The following TDRD10 variants were observed in gnomAD, a reference collection of about 807,000 sequenced individuals.
TDRD10 encodes the protein tudor domain containing 10.
In TDRD10, 40 loss-of-function variants were observed where a neutral mutation model predicts 48.0. The ratio of observed to expected loss-of-function variants is 0.83; its 90% CI spans 0.65 to 1.09. The LOEUF (loss-of-function observed/expected upper bound fraction) is 1.09, where lower values mean the gene tolerates loss of function less well. Among genes scored for constraint, TDRD10 ranks in the 50% least tolerant of loss-of-function variants. The pLI is 0.00. For missense variants in TDRD10, 378 were observed against 434.7 expected, an observed-to-expected ratio of 0.87 and a Z score of 1.16; for synonymous variants, 162 against 170.4, an observed-to-expected ratio of 0.95 and a Z score of 0.38.
intron 1 of TDRD10, 95 bp from the exon 2 acceptor site, chr1:154,506,782 G>T: frequency 9.4e-7 from 1 of 1,067,760 alleles, no homozygotes; most frequent in East Asian, 2.4e-5. Flanking sequence ...TTTGGTTGGG[G>T]AGGCATTATT....
chr1:154,529,342 G>T (rs1272128061), intron 6 of TDRD10, among the ~76,000 whole-genome samples: 3 of 152,116 alleles, frequency 2.0e-5, no homozygotes, highest in African/African-American at 7.2e-5. Flanking sequence ...CCAAAGTGCT[G>T]GGATTAGTGA....
At chr1:154,508,996 A>C (rs1244806928) in intron 4 of TDRD10, among the ~76,000 whole-genome samples, 1 of 152,210 alleles carries the variant, frequency 6.6e-6, no homozygotes, top group Non-Finnish European at 1.5e-5. Context: ...TGAAATAATT[A>C]TAAAACAATA....
rs1328146283 is a variant in TDRD10, at chr1:154,544,488, C to G, written c.768C>G (p.His256Gln). Residue 256 changes from histidine to glutamine, a missense_variant, in exon 10 of 13, where the codon CAC becomes CAG. By Grantham distance (24) the His-to-Gln change is conservative. Transcript: ENST00000368482. Reference protein sequence around the residue: ...MRGTRCLAEYHLGDYGHAWNR... With the variant: ...MRGTRCLAEYQLGDYGHAWNR... ...GGACTCGCTGTCTGGCAGAGTACCA[C>G]CTGGGGGATTATGGACACGCCTGGA... 6.2e-7 allele frequency: 1 copy of G among 1,613,838 alleles called. No homozygotes were observed. The highest frequency in any genetic ancestry group is 8.5e-7 in the Non-Finnish European group (1 of 1,179,972).
chr1:154,532,973 C>G (rs1055050845), intron 6 of TDRD10, among the ~76,000 whole-genome samples: 62 of 151,884 alleles, frequency 4.1e-4, no homozygotes, highest in African/African-American at 1.4e-3. Context: ...TTCTGACACC[C>G]CCCCCAGTAG....
At chr1:154,540,056 A>G (rs1695136726) in intron 6 of TDRD10, among the ~76,000 whole-genome samples, 1 of 152,226 alleles carries the variant, frequency 6.6e-6, no homozygotes, top group African/African-American at 2.4e-5. Context: ...GCCAAGGTCA[A>G]GACTTTGGGT....
At chr1:154,514,542 T>G (rs1208936869) in intron 4 of TDRD10, among the ~76,000 whole-genome samples, 1 of 152,180 alleles carries the variant, frequency 6.6e-6, no homozygotes, top group South Asian at 2.1e-4. Flanking sequence ...TCTCTACTTC[T>G]GTGTATGTTT....
At chr1:154,526,899 T>A (rs914577586) in intron 6 of TDRD10, among the ~76,000 whole-genome samples, 1 of 151,468 alleles carries the variant, frequency 6.6e-6, no homozygotes, top group African/African-American at 2.4e-5. Context: ...TGAATTTTTT[T>A]TTTATTTTTT....
intron 6 of TDRD10, among the ~76,000 whole-genome samples, chr1:154,526,543 C>A (rs1285185628): frequency 2.0e-5 from 3 of 151,908 alleles, no homozygotes; most frequent in African/African-American, 7.3e-5. Flanking sequence ...GCAACCTCTG[C>A]CTCCTGGGTT....
At chr1:154,521,248 G>T (rs940555171) in intron 5 of TDRD10, 75 bp from the exon 6 acceptor site, 10 of 1,501,344 alleles carry the variant, frequency 6.7e-6, no homozygotes, top group Middle Eastern at 1.8e-4. Context: ...TCCAGCTTGG[G>T]CTTGGTGCCT....
intron 1 of TDRD10, among the ~76,000 whole-genome samples, chr1:154,505,297 G>C (rs1229546236): frequency 6.6e-6 from 1 of 152,226 alleles, no homozygotes; most frequent in Non-Finnish European, 1.5e-5. Context: ...AGGCCTTAAA[G>C]GCATCTTGCA....
intron 5 of TDRD10, 74 bp from the exon 6 acceptor site, chr1:154,521,249 C>A: frequency 6.6e-7 from 1 of 1,507,344 alleles, no homozygotes; most frequent in Non-Finnish European, 9.1e-7. Flanking sequence ...CCAGCTTGGG[C>A]TTGGTGCCTC....
In TDRD10 at chr1:154,539,475, T is replaced by C. The variant is rs534411737; in HGVS notation, c.370-2549T>C. 2.2e-3 allele frequency among the ~76,000 whole-genome samples: 334 copies of C among 152,288 alleles called. 1 individual carries two copies. The highest frequency in any genetic ancestry group is 7.6e-3 in the African/African-American group (316 of 41,546). On this transcript the variant is annotated intron_variant, in intron 6 of 12. Coordinates refer to ENST00000368482, the MANE Select transcript of TDRD10 (RefSeq NM_182499.4). The stretch of plus-strand genomic sequence containing the variant: ...CCGCCACCACGGCCAGCTAATTTTT[T>C]GTATTTTTAGTAGAGACAGAGTTTT...
intron 6 of TDRD10, among the ~76,000 whole-genome samples, chr1:154,528,561 C>G (rs1025659714): frequency 6.6e-6 from 1 of 151,226 alleles, no homozygotes; most frequent in African/African-American, 2.4e-5. Context: ...AATAAATAGA[C>G]CAGGGACAAT....
chr1:154,540,535 G>A (rs999335239), intron 6 of TDRD10, among the ~76,000 whole-genome samples: 7 of 133,942 alleles, frequency 5.2e-5, no homozygotes, highest in Admixed American at 1.4e-4. Context: ...AAAAAATGCC[G>A]TTCACTCAAA....
intron 6 of TDRD10, among the ~76,000 whole-genome samples, chr1:154,538,491 G>C (rs1695039193): frequency 6.8e-6 from 1 of 147,076 alleles, no homozygotes; most frequent in African/African-American, 2.5e-5. Context: ...TAGAGGTTGC[G>C]GTGAGCCGAG....
Position 154,520,252 on chromosome 1 carries a change from T to C in TDRD10, c.142-52T>C, listed in dbSNP as rs946309387. ...GCTGGGGATCTGAAACCTTGAGAAG[T>C]GGTTGTAAGTTATGTCTCTGGGTCT... is the stretch of plus-strand genomic sequence containing the variant. On this transcript the variant is annotated intron_variant, in intron 4 of 12. Coordinates refer to ENST00000368482, the MANE Select transcript of TDRD10 (RefSeq NM_182499.4). 7 of 1,316,258 alleles carry C rather than the reference T, an allele frequency of 5.3e-6. No homozygotes were observed. In the Admixed American group the frequency reaches 6.8e-5, roughly 13 times the overall value. 81.5% of individuals were successfully genotyped at this position (1,316,258 alleles called of 1,614,324 possible). A position where few individuals can be genotyped will look rare whatever the true frequency, so the allele number is the denominator to read the frequency against.
intron 6 of TDRD10, among the ~76,000 whole-genome samples, chr1:154,530,782 C>G (rs1694573334): frequency 6.6e-6 from 1 of 151,990 alleles, no homozygotes; most frequent in Non-Finnish European, 1.5e-5. Flanking sequence ...CTTCCAGTCA[C>G]CGGTTCTTTC....
chr1:154,546,485 G>A (rs996463604), intron 11 of TDRD10, among the ~76,000 whole-genome samples: 10 of 139,480 alleles, frequency 7.2e-5, no homozygotes, highest in African/African-American at 1.9e-4. Context: ...TATATAATAC[G>A]TGATATATAT....
intron 6 of TDRD10, among the ~76,000 whole-genome samples, chr1:154,536,998 G>A (rs1694954261): frequency 6.6e-6 from 1 of 152,320 alleles, no homozygotes; most frequent in South Asian, 2.1e-4. Context: ...GGGAAGAGAT[G>A]AAAATATCTT....
Sources: gnomAD v4.1 joint callset for allele counts (sites outside exome capture counted in the v4.1 genomes callset) on GRCh38, gnomAD v4.1.1 for gene constraint, MANE v1.5 for transcripts, NCBI Gene and HGNC (gene_info 2026-07-23, HGNC 2026-07-21) for gene names.